MAP7D2: variants seen among roughly 807,000 people sequenced by gnomAD.
MAP7D2 encodes the protein MAP7 domain containing 2, also known as MAP7 domain-containing protein 2.
MAP7D2 carries 33 observed loss-of-function variants against 63.5 expected under a neutral mutation model. That is an observed-to-expected ratio of 0.52 (90% CI 0.39 to 0.70). The LOEUF (loss-of-function observed/expected upper bound fraction) is 0.70. Among genes scored for constraint, MAP7D2 ranks in the 30% least tolerant of loss-of-function variants. MAP7D2 has a pLI of 0.00. For missense variants in MAP7D2, 626 were observed against 604.0 expected, an observed-to-expected ratio of 1.04 and a Z score of -0.38; for synonymous variants, 224 against 223.7, an observed-to-expected ratio of 1.00 and a Z score of -0.01.
chrX:20,086,437 T>C (rs1490604777), intron 1 of MAP7D2, among the ~76,000 whole-genome samples: 2 of 112,257 alleles, frequency 1.8e-5, no homozygotes, highest in Non-Finnish European at 3.8e-5. Context: ...AGGATAATTC[T>C]AGTATGAAAA....
rs1193862532 is a variant in MAP7D2 at position 20,016,125 on chromosome X, T to A, written c.1613A>T (p.Glu538Val). ...TTCAATCATGGCTTTCTCTTGTTTT[T>A]CTTGTTCTTGCTTTTCTTTCAACAA... ...ELLLKEKQEQ[E>V]KQEKAMIEKQ... The change falls in exon 11 of 17, where the codon GAA becomes GTA. Residue 538 changes from glutamate (E) to valine (V), a missense_variant. By Grantham distance (121) the Glu-to-Val change is moderately radical (BLOSUM62 -2). Transcript: ENST00000379643. 4 of 1,207,208 alleles carry A rather than the reference T, an allele frequency of 3.3e-6. No individual in the cohort carries two copies. The highest frequency in any genetic ancestry group is 4.5e-6 in the Non-Finnish European group (4 of 893,473).
chrX:20,054,674 C>T (rs1210860738), intron 4 of MAP7D2, among the ~76,000 whole-genome samples: 2 of 111,030 alleles, frequency 1.8e-5, no homozygotes, highest in South Asian at 7.8e-4. Context: ...CTCTGCCTCC[C>T]GGGTTCAAGC....
intron 16 of MAP7D2, among the ~76,000 whole-genome samples, chrX:20,008,806 G>A (rs372846146): frequency 9.0e-6 from 1 of 111,578 alleles, no homozygotes; most frequent in Non-Finnish European, 1.9e-5. Context: ...TACAAGCAGT[G>A]TGAATAAAAT....
chrX:20,016,885 A>C (rs2073414206), intron 10 of MAP7D2, among the ~76,000 whole-genome samples: 2 of 111,894 alleles, frequency 1.8e-5, no homozygotes, highest in Admixed American at 1.9e-4. Context: ...TAAAACCTCT[A>C]TTTCCATTTA....
intron 1 of MAP7D2, among the ~76,000 whole-genome samples, chrX:20,101,021 C>CA (rs567374019): frequency 0.022 from 979 of 44,464 alleles, 17 homozygotes; most frequent in African/African-American, 0.048. Flanking sequence ...AACTCCGTCT[C>CA]AAAAAAAAAA....
At chrX:20,113,986 C>T (rs1428786667) in intron 1 of MAP7D2, among the ~76,000 whole-genome samples, 1 of 111,581 alleles carries the variant, frequency 9.0e-6, no homozygotes, top group Non-Finnish European at 1.9e-5. Context: ...CCCCCAGTAC[C>T]CTTCGCAGTC....
intron 1 of MAP7D2, among the ~76,000 whole-genome samples, chrX:20,077,936 T>C (rs1389824463): frequency 8.9e-6 from 1 of 112,390 alleles, no homozygotes; most frequent in Non-Finnish European, 1.9e-5. Flanking sequence ...CCCTTTATGG[T>C]AGAAATGAGA....
rs187823485 is a variant in MAP7D2, at chrX:20,092,491, G to A, written c.130+24259C>T. On this transcript the variant is annotated intron_variant, in intron 1 of 16. Coordinates refer to ENST00000379643, the MANE Select transcript of MAP7D2 (RefSeq NM_001168465.2). ...GAATGTAACCACACCTGAAAGACCC[G>A]TTCACAAGATAGTATACAAGTTATC... 1.3e-4 allele frequency among the ~76,000 whole-genome samples: 14 copies of A among 111,478 alleles called. No individual in the cohort carries two copies. The East Asian group carries it at 2.2e-3, about 18-fold the overall frequency.
At chrX:20,086,307 C>G (rs770983954) in intron 1 of MAP7D2, among the ~76,000 whole-genome samples, 1 of 111,853 alleles carries the variant, frequency 8.9e-6, no homozygotes, top group Admixed American at 9.5e-5. Flanking sequence ...GCTGGGCCCA[C>G]GGGAACCCTG....
chrX:20,085,708 T>C (rs1033194095), intron 1 of MAP7D2, among the ~76,000 whole-genome samples: 9 of 112,049 alleles, frequency 8.0e-5, no homozygotes, highest in African/African-American at 2.9e-4. Flanking sequence ...TTTTCTCAAG[T>C]TTTTTTCTTT....
intron 1 of MAP7D2, among the ~76,000 whole-genome samples, chrX:20,095,617 T>C (rs1189390197): frequency 9.0e-6 from 1 of 111,151 alleles, no homozygotes; most frequent in Non-Finnish European, 1.9e-5. Context: ...CTTTTGGGTA[T>C]ATATCCAAAA....
intron 16 of MAP7D2, 43 bp downstream of exon 16, chrX:20,010,734 A>C: frequency 9.2e-7 from 1 of 1,083,217 alleles, no homozygotes; most frequent in Admixed American, 2.7e-5. Context: ...CACAAACCCC[A>C]GTTAAAGGGT....
intron 6 of MAP7D2, among the ~76,000 whole-genome samples, chrX:20,050,094 A>G (rs1172573617): frequency 8.9e-6 from 1 of 111,976 alleles, no homozygotes; most frequent in East Asian, 2.8e-4. Flanking sequence ...AGTAGACCTG[A>G]CCTTAGGTGG....
At chrX:20,109,218 G>A (rs984043714) in intron 1 of MAP7D2, among the ~76,000 whole-genome samples, 4 of 109,316 alleles carry the variant, frequency 3.7e-5, no homozygotes, top group Non-Finnish European at 5.7e-5. Context: ...GTGGCACGGG[G>A]GGTTAAAAAT....
At chrX:20,016,043 A>T (rs766232428) in intron 11 of MAP7D2, 51 bp downstream of exon 11, 2 of 1,034,885 alleles carry the variant, frequency 1.9e-6, no homozygotes, top group Non-Finnish European at 2.7e-6. Context: ...TGTACCTACT[A>T]TCAAGGTCCT....
rs1405868873 is a variant in MAP7D2, at chrX:20,114,985, G to A, written c.130+1765C>T. Among the ~76,000 whole-genome samples the A allele has an allele frequency of 2.7e-5, 3 of 111,568 alleles. No homozygotes were observed. The Admixed American group carries it at 2.9e-4, about 11-fold the overall frequency. On this transcript the variant is annotated intron_variant, in intron 1 of 16. Coordinates refer to ENST00000379643, the MANE Select transcript of MAP7D2 (RefSeq NM_001168465.2). ...CTAACTCCCCCAAACAACAAATGGT[G>A]GTATCACCTGGCACCTAAATTAAAC...
At chrX:20,038,267 A>G (rs1457164793) in intron 8 of MAP7D2, among the ~76,000 whole-genome samples, 2 of 112,092 alleles carry the variant, frequency 1.8e-5, no homozygotes, top group Non-Finnish European at 1.9e-5. Context: ...CTGTAGACCC[A>G]TGGAATGCCT....
chrX:20,073,438 G>A (rs1299538176), intron 1 of MAP7D2, among the ~76,000 whole-genome samples: 1 of 111,174 alleles, frequency 9.0e-6, no homozygotes, highest in East Asian at 2.8e-4. Flanking sequence ...CAGCTGCTGT[G>A]ATGGTTACAT....
intron 2 of MAP7D2, among the ~76,000 whole-genome samples, chrX:20,063,846 CA>C (rs1330215631): frequency 8.9e-6 from 1 of 112,240 alleles, no homozygotes. Flanking sequence ...TAAGATTGAA[CA>C]AGATGATGAC....
Sources: gnomAD v4.1 joint callset for allele counts (sites outside exome capture counted in the v4.1 genomes callset) on GRCh38, gnomAD v4.1.1 for gene constraint, MANE v1.5 for transcripts, NCBI Gene and HGNC (gene_info 2026-07-23, HGNC 2026-07-21) for gene names.